Variants in TAFA4 observed in about 807,000 individuals in gnomAD.
TAFA4 encodes TAFA chemokine like family member 4.
In TAFA4, 20 loss-of-function variants were observed where a neutral mutation model predicts 21.1. The ratio of observed to expected loss-of-function variants is 0.95; its 90% CI spans 0.67 to 1.38. The LOEUF is 1.38. TAFA4 is among the 40% of genes most tolerant of loss of function. The pLI, the probability that TAFA4 is intolerant of heterozygous loss-of-function variation, is 0.00. For missense variants in TAFA4, 211 were observed against 180.9 expected (o/e 1.17, Z -0.95); for synonymous variants, 71 against 67.4 (o/e 1.05, Z -0.26).
intron 3 of TAFA4, among the ~76,000 whole-genome samples, chr3:68,790,456 T>G (rs367853922): frequency 6.6e-6 from 1 of 152,278 alleles, no homozygotes; most frequent in Non-Finnish European, 1.5e-5. Flanking sequence ...TAAATGTAAA[T>G]GATCTATGCA....
At position 68,885,297 on chromosome 3, in the gene TAFA4, G is replaced by T; in HGVS notation, c.-109C>A. The T allele has an allele frequency of 1.0e-6, 1 of 991,460 alleles. No individual in the cohort carries two copies. The highest frequency in any genetic ancestry group is 1.5e-6 in the Non-Finnish European group (1 of 674,252). The allele number at this position is 991,460 out of a possible 1,614,324, so 61.4% of individuals were successfully genotyped here. ...ATTTCTGCCGTTCCAAAAAATTATC[G>T]TAGCTCAGAAGACCTATGTTAAAAA... On this transcript the variant is annotated 5_prime_UTR_variant, in exon 2 of 6. Transcript: ENST00000295569.
intron 3 of TAFA4, among the ~76,000 whole-genome samples, chr3:68,858,916 CAAGGGGTCAATGT>C (rs1379185332): frequency 6.6e-6 from 1 of 151,690 alleles, no homozygotes; most frequent in African/African-American, 2.4e-5. Context: ...CTTGCAGTTT[CAAGGGGTCAATGT>C]AAATGACAGA....
chr3:68,763,497 C>T (rs773875809), intron 3 of TAFA4, among the ~76,000 whole-genome samples: 16 of 151,792 alleles, frequency 1.1e-4, no homozygotes, highest in African/African-American at 1.9e-4. Context: ...TATTATTGTT[C>T]GATTCTAATA....
Position 68,732,179 on chromosome 3 carries a change from TAACACAGAA to T in TAFA4, c.*954_*962del, listed in dbSNP as rs1702160353. 1 of 152,550 alleles carries T rather than the reference TAACACAGAA, an allele frequency of 6.6e-6. No homozygotes were observed. Among genetic ancestry groups the T allele is most frequent in the African/African-American group, 2.4e-5 (1 of 41,442 alleles). 9.4% of individuals were successfully genotyped at this position (152,550 alleles called of 1,614,324 possible). A position where few individuals can be genotyped will look rare whatever the true frequency, so the allele number is the denominator to read the frequency against. ...TCAGATTTTAAAGAAATAAGATGGC[TAACACAGAA>T]GTCACAGAAGTAGGGAAACAGCTAA... On this transcript the variant is annotated 3_prime_UTR_variant, in exon 6 of 6. Transcript: ENST00000295569.
chr3:68,750,294 C>T (rs545761459), intron 4 of TAFA4, among the ~76,000 whole-genome samples: 1 of 152,234 alleles, frequency 6.6e-6, no homozygotes, highest in African/African-American at 2.4e-5. Flanking sequence ...AAGACCCTAT[C>T]ATTATTTTTA....
At chr3:68,804,695 A>G (rs939045245) in intron 3 of TAFA4, among the ~76,000 whole-genome samples, 8 of 152,282 alleles carry the variant, frequency 5.3e-5, no homozygotes, top group Non-Finnish European at 8.8e-5. Context: ...AAAAACAAGC[A>G]ATGGGGAAAG....
rs541329476 is a variant in TAFA4 at position 68,805,064 on chromosome 3, G to A, written c.131-52046C>T. Among the ~76,000 whole-genome samples the A allele has an allele frequency of 6.6e-5, 10 of 152,032 alleles. No individual in the cohort carries two copies. In the South Asian group the frequency reaches 1.0e-3, roughly 16 times the overall value. On this transcript the variant is annotated intron_variant, in intron 3 of 5. Coordinates refer to ENST00000295569, the MANE Select transcript of TAFA4 (RefSeq NM_182522.5). ...TTCACAACCTACTCATCTGACAAAG[G>A]GCTAATATCCAGAATCTACAATGAA...
chr3:68,893,835 C>A (rs528739164), intron 1 of TAFA4, among the ~76,000 whole-genome samples: 1 of 152,246 alleles, frequency 6.6e-6, no homozygotes, highest in South Asian at 2.1e-4. Flanking sequence ...ATGGTGCCCT[C>A]CTGTGGACAA....
At position 68,926,061 on chromosome 3, in the gene TAFA4, G is replaced by C. The variant is rs144764101; in HGVS notation, c.-123+6179C>G. Among the ~76,000 whole-genome samples the C allele has an allele frequency of 1.1e-3, 171 of 152,098 alleles. 2 individuals carry two copies. The highest frequency in any genetic ancestry group is 4.1e-3 in the African/African-American group (169 of 41,510). On this transcript the variant is annotated intron_variant, in intron 1 of 5. Coordinates refer to ENST00000295569, the MANE Select transcript of TAFA4 (RefSeq NM_182522.5). ...AGCCTGGTCAACATGGTGAAACCCCGTCTCTACTAAAAATACAAAAATTAG... is the reference window on the plus strand; with the variant it reads ...AGCCTGGTCAACATGGTGAAACCCCCTCTCTACTAAAAATACAAAAATTAG...
intron 3 of TAFA4, among the ~76,000 whole-genome samples, chr3:68,809,990 A>G (rs572836267): frequency 6.6e-6 from 1 of 152,316 alleles, no homozygotes; most frequent in African/African-American, 2.4e-5. Context: ...AAATCGGGTA[A>G]CAGATTTTCT....
intron 5 of TAFA4, among the ~76,000 whole-genome samples, chr3:68,733,592 T>C (rs560898589): frequency 6.6e-6 from 1 of 152,338 alleles, no homozygotes; most frequent in South Asian, 2.1e-4. Flanking sequence ...TAGGTTATTT[T>C]ATAAAACTGC....
chr3:68,753,334 GTTT>G (rs4065540), intron 3 of TAFA4, among the ~76,000 whole-genome samples: 4 of 114,490 alleles, frequency 3.5e-5, no homozygotes, highest in Admixed American at 9.5e-5. Context: ...GATTGATAGA[GTTT>G]TTTTTTTTTT....
At chr3:68,799,510 T>C (rs535599824) in intron 3 of TAFA4, among the ~76,000 whole-genome samples, 14 of 152,258 alleles carry the variant, frequency 9.2e-5, no homozygotes, top group Admixed American at 2.6e-4. Flanking sequence ...ATTCAGACCA[T>C]AGCACCTGGT....
intron 1 of TAFA4, among the ~76,000 whole-genome samples, chr3:68,918,703 T>A (rs1434940803): frequency 6.6e-6 from 1 of 152,120 alleles, no homozygotes; most frequent in Non-Finnish European, 1.5e-5. Flanking sequence ...CCATGCCTGC[T>A]TAATTTTTGT....
intron 3 of TAFA4, among the ~76,000 whole-genome samples, chr3:68,852,653 A>C (rs915183800): frequency 1.3e-5 from 2 of 152,170 alleles, no homozygotes; most frequent in Non-Finnish European, 2.9e-5. Context: ...GAATTGGCCA[A>C]GTTTAGCTTC....
rs544068484 is a variant in TAFA4 at position 68,917,978 on chromosome 3, C to A, written c.-123+14262G>T. ...ATACAATGAGCTGTAGTTTTCGAAG[C>A]ATTTTCACATAGTCATCAATTGGAA... On this transcript the variant is annotated intron_variant, in intron 1 of 5. Coordinates refer to ENST00000295569, the MANE Select transcript of TAFA4 (RefSeq NM_182522.5). 1.3e-3 allele frequency among the ~76,000 whole-genome samples: 199 copies of A among 152,188 alleles called. 1 individual carries two copies. Among genetic ancestry groups the A allele is most frequent in the African/African-American group, 4.7e-3 (194 of 41,522 alleles).
At chr3:68,807,226 T>C (rs1218507496) in intron 3 of TAFA4, among the ~76,000 whole-genome samples, 1 of 152,188 alleles carries the variant, frequency 6.6e-6, no homozygotes, top group Non-Finnish European at 1.5e-5. Flanking sequence ...CATGTTGGGT[T>C]TATCCTCTTC....
intron 5 of TAFA4, among the ~76,000 whole-genome samples, chr3:68,737,585 C>T (rs1483775853): frequency 6.6e-6 from 1 of 152,120 alleles, no homozygotes; most frequent in African/African-American, 2.4e-5. Context: ...ATAATATCAG[C>T]TAAAGTTCCC....
At chr3:68,865,592 T>C (rs2089406313) in intron 3 of TAFA4, among the ~76,000 whole-genome samples, 1 of 152,146 alleles carries the variant, frequency 6.6e-6, no homozygotes, top group African/African-American at 2.4e-5. Context: ...TGTGGAACTG[T>C]GAGTCGATTA....
Sources: gnomAD v4.1 joint callset for allele counts (sites outside exome capture counted in the v4.1 genomes callset) on GRCh38, gnomAD v4.1.1 for gene constraint, MANE v1.5 for transcripts, NCBI Gene and HGNC (gene_info 2026-07-23, HGNC 2026-07-21) for gene names.